The following NMNAT3 variants were observed in gnomAD, a reference collection of about 807,000 sequenced individuals.
The protein encoded by NMNAT3 is nicotinamide nucleotide adenylyltransferase 3.
In NMNAT3, 21 loss-of-function variants were observed where a neutral mutation model predicts 24.8. That is an observed-to-expected ratio of 0.85 (90% CI 0.60 to 1.22). NMNAT3 has a LOEUF of 1.22. NMNAT3 is among the 50% of genes most tolerant of loss of function. NMNAT3 has a pLI of 0.00. For synonymous variants in NMNAT3, 136 were observed against 155.2 expected (o/e 0.88, Z 0.92); for missense variants, 387 against 436.6 (o/e 0.89, Z 1.01).
chr3:139,560,774 C>A lies in NMNAT3; in HGVS notation c.*236G>T. Reference sequence around the variant, plus strand: ...GAGAGATTCTGCCTAATCCTAATGACCTGCCACACCATTTTAACTTCTTTG... The same window carrying A: ...GAGAGATTCTGCCTAATCCTAATGAACTGCCACACCATTTTAACTTCTTTG... On this transcript the variant is annotated 3_prime_UTR_variant, in exon 7 of 7. Coordinates refer to ENST00000643695, the MANE Select transcript of NMNAT3 (RefSeq NM_001320510.2). 1 of 512,310 alleles carries A rather than the reference C, an allele frequency of 2.0e-6. No individual in the cohort carries two copies. The allele number at this position is 512,310 out of a possible 1,614,324, so 31.7% of individuals were successfully genotyped here.
chr3:139,628,602 C>G (rs1473260312), intron 2 of NMNAT3, among the ~76,000 whole-genome samples: 1 of 152,220 alleles, frequency 6.6e-6, no homozygotes, highest in Non-Finnish European at 1.5e-5. Flanking sequence ...AGCCCACCCT[C>G]TGGTCTCACC....
intron 3 of NMNAT3, among the ~76,000 whole-genome samples, chr3:139,603,587 C>A (rs1167070689): frequency 2.0e-5 from 3 of 151,692 alleles, no homozygotes; most frequent in Non-Finnish European, 4.4e-5. Flanking sequence ...CTACCACTAT[C>A]ACATTAATAG....
chr3:139,633,574 G>A (rs1349631643), intron 2 of NMNAT3, among the ~76,000 whole-genome samples: 1 of 152,150 alleles, frequency 6.6e-6, no homozygotes, highest in Admixed American at 6.5e-5. Context: ...TCTTTTTAGC[G>A]GCAGGCTGTC....
intron 6 of NMNAT3, among the ~76,000 whole-genome samples, chr3:139,573,276 A>G (rs946773985): frequency 2.4e-4 from 36 of 152,232 alleles, no homozygotes; most frequent in African/African-American, 8.2e-4. Flanking sequence ...CTTTTAAAAG[A>G]AACCCAGCAG....
intron 3 of NMNAT3, among the ~76,000 whole-genome samples, chr3:139,594,869 A>G (rs1250056770): frequency 1.3e-5 from 2 of 152,238 alleles, no homozygotes; most frequent in African/African-American, 4.8e-5. Context: ...TGAATGGGCA[A>G]AAACTGGAAG....
At chr3:139,594,364 C>T (rs7645763) in intron 3 of NMNAT3, among the ~76,000 whole-genome samples, 1 of 152,032 alleles carries the variant, frequency 6.6e-6, no homozygotes, top group African/African-American at 2.4e-5. Context: ...TGGATTCACA[C>T]CTGAATTCTA....
chr3:139,611,798 G>T (rs2055228080), intron 3 of NMNAT3, among the ~76,000 whole-genome samples: 1 of 152,182 alleles, frequency 6.6e-6, no homozygotes, highest in Admixed American at 6.5e-5. Context: ...GCACATCTGT[G>T]CCCATTTCTG....
chr3:139,671,433 T>C (rs1454826025), intron 1 of NMNAT3, among the ~76,000 whole-genome samples: 1 of 152,240 alleles, frequency 6.6e-6, no homozygotes, highest in Non-Finnish European at 1.5e-5. Flanking sequence ...AGCATTTTTA[T>C]ACAGTGGCTC....
In NMNAT3 at chr3:139,627,734, C is replaced by A; in HGVS notation, c.-10G>T. 2 of 1,567,062 alleles carry A rather than the reference C, an allele frequency of 1.3e-6. No homozygotes were observed. The highest frequency in any genetic ancestry group is 8.6e-7 in the Non-Finnish European group (1 of 1,158,322). On this transcript the variant is annotated 5_prime_UTR_variant, in exon 3 of 7. Transcript: ENST00000643695. ...GTATTCGGCTCTTCATCTTGTCAGG[C>A]ACATCCACACCTGTTGCAGTGGCCA...
intron 2 of NMNAT3, chr3:139,635,676 C>T (rs1451642648): frequency 2.6e-5 from 4 of 152,268 alleles, no homozygotes; most frequent in African/African-American, 9.6e-5. Context: ...TTCCTGTCCT[C>T]AAGAAGGTTA....
chr3:139,641,023 G>C (rs973994894), intron 1 of NMNAT3, among the ~76,000 whole-genome samples: 1 of 152,198 alleles, frequency 6.6e-6, no homozygotes, highest in African/African-American at 2.4e-5. Flanking sequence ...CAGTTCATAA[G>C]TAACAACTGT....
chr3:139,612,432 C>T (rs554661366), intron 3 of NMNAT3, among the ~76,000 whole-genome samples: 55 of 152,262 alleles, frequency 3.6e-4, no homozygotes, highest in African/African-American at 1.3e-3. Context: ...ACAAGATCAC[C>T]TTGGCAATGA....
chr3:139,672,668 G>C (rs969945445), intron 1 of NMNAT3: 1 of 152,294 alleles, frequency 6.6e-6, no homozygotes, highest in Non-Finnish European at 1.5e-5. Context: ...CTTTGCTGCA[G>C]AGAAGACGGC....
intron 3 of NMNAT3, among the ~76,000 whole-genome samples, chr3:139,625,537 T>C (rs567462083): frequency 1.3e-5 from 2 of 152,294 alleles, no homozygotes; most frequent in East Asian, 3.9e-4. Flanking sequence ...CTTCTTACAG[T>C]CTATCTTTAA....
At chr3:139,640,085 C>A (rs987705777) in intron 1 of NMNAT3, among the ~76,000 whole-genome samples, 4 of 152,216 alleles carry the variant, frequency 2.6e-5, no homozygotes, top group Non-Finnish European at 5.9e-5. Context: ...CATGGTGGGA[C>A]TCTGTAGTCC....
chr3:139,581,397 A>G (rs2053607593), intron 4 of NMNAT3, among the ~76,000 whole-genome samples: 1 of 151,664 alleles, frequency 6.6e-6, no homozygotes, highest in Non-Finnish European at 1.5e-5. Flanking sequence ...CAAGTGTCAT[A>G]GCAACTTTAT....
chr3:139,643,095 T>A (rs941988261), intron 1 of NMNAT3, among the ~76,000 whole-genome samples: 1 of 152,184 alleles, frequency 6.6e-6, no homozygotes. Context: ...AACATATGAA[T>A]GGCCAAGAAG....
intron 2 of NMNAT3, among the ~76,000 whole-genome samples, chr3:139,630,361 A>G (rs1353910606): frequency 2.0e-5 from 3 of 152,234 alleles, no homozygotes; most frequent in African/African-American, 7.2e-5. Context: ...TGTGGCTGCC[A>G]CAGAGTTGGG....
At position 139,658,850 on chromosome 3, in the gene NMNAT3, C is replaced by T. The variant is rs1205659428; in HGVS notation, c.-141+18855G>A. On this transcript the variant is annotated intron_variant, in intron 1 of 6. Coordinates refer to ENST00000643695, the MANE Select transcript of NMNAT3 (RefSeq NM_001320510.2). Reference sequence around the variant, plus strand: ...TAATAAATTTTAACAAATCATGCACCGTGTAACTCCAACCCCTCTCAACAT... The same window carrying T: ...TAATAAATTTTAACAAATCATGCACTGTGTAACTCCAACCCCTCTCAACAT... Among the ~76,000 whole-genome samples the T allele has an allele frequency of 3.3e-5, 5 of 151,208 alleles. No individual in the cohort carries two copies. The East Asian group carries it at 5.9e-4, about 18-fold the overall frequency.
Sources: allele counts gnomAD v4.1 joint callset (sites outside exome capture counted in the v4.1 genomes callset), GRCh38; gene constraint gnomAD v4.1.1; transcripts MANE v1.5; gene names NCBI Gene and HGNC (gene_info 2026-07-23, HGNC 2026-07-21).